Variants in GOLGA6L9 observed in about 807,000 individuals in gnomAD.
GOLGA6L9 encodes the protein golgin A6 family like 9, also known as golgin subfamily A member 6-like protein 9.
GOLGA6L9 carries 19 observed loss-of-function variants against 51.3 expected under a neutral mutation model. That is an observed-to-expected ratio of 0.37 (90% CI 0.26 to 0.54). The LOEUF is 0.54. Among genes scored for constraint, GOLGA6L9 ranks in the 20% least tolerant of loss-of-function variants. The probability of loss-of-function intolerance (pLI) is 0.83; values close to 1 mark genes in which losing one functional copy is unlikely to be tolerated. For synonymous variants in GOLGA6L9, 97 were observed against 184.2 expected (o/e 0.53, Z 3.83); for missense variants, 247 against 464.1 (o/e 0.53, Z 4.30).
the GOLGA6L9 span, among the ~76,000 whole-genome samples, chr15:82,417,908 A>C: frequency 2.6e-5 from 4 of 152,392 alleles, 1 homozygote; most frequent in South Asian, 8.3e-4. Flanking sequence ...GGAGTGAGAG[A>C]GAGATTTCAA....
rs894943223 is a variant in GOLGA6L9, at chr15:82,438,548, T to C, written c.*2137T>C. The stretch of plus-strand genomic sequence containing the variant: ...TCATTCAGTATAAGGCAGCCTTTAA[T>C]TTGCTTAGAAGGCAACATTAGAAGG... On this transcript the variant is annotated 3_prime_UTR_variant, in exon 9 of 9. Coordinates refer to ENST00000618348, the MANE Select transcript of GOLGA6L9 (RefSeq NM_198181.4). The C allele has an allele frequency of 4.0e-5, 6 of 148,378 alleles. No individual in the cohort carries two copies. Among genetic ancestry groups the C allele is most frequent in the Admixed American group, 3.4e-4 (5 of 14,790 alleles). The allele number at this position is 148,378 out of a possible 1,614,324, so 9.2% of individuals were successfully genotyped here. A position where few individuals can be genotyped will look rare whatever the true frequency, so the allele number is the denominator to read the frequency against.
At chr15:82,420,287 G>C in the GOLGA6L9 span, among the ~76,000 whole-genome samples, 4 of 151,886 alleles carry the variant, frequency 2.6e-5, no homozygotes, top group Non-Finnish European at 5.9e-5. Flanking sequence ...GTATCTGATT[G>C]TTTAGTCTTT....
upstream of GOLGA6L9, among the ~76,000 whole-genome samples, chr15:82,427,059 G>GT (rs1335044059): frequency 2.3e-4 from 34 of 146,298 alleles, no homozygotes; most frequent in Middle Eastern, 3.5e-3. Context: ...AAAATCATTT[G>GT]TTTTTTTTTC....
chr15:82,417,269 G>A, the GOLGA6L9 span, among the ~76,000 whole-genome samples: 6 of 152,056 alleles, frequency 3.9e-5, no homozygotes, highest in East Asian at 5.8e-4. Context: ...TTAGATGACC[G>A]TTACTTCAAT....
At chr15:82,433,416 G>C (rs1393719373) in intron 4 of GOLGA6L9, 146 bp from the exon 5 acceptor site, 16 of 629,432 alleles carry the variant, frequency 2.5e-5, no homozygotes, top group Non-Finnish European at 4.5e-5. Context: ...TACCTGGCCT[G>C]TACATGCTCA....
chr15:82,433,846 G>A (rs2031526225), intron 5 of GOLGA6L9, among the ~76,000 whole-genome samples, 188 bp from the exon 6 acceptor site: 1 of 98,384 alleles, frequency 1.0e-5, no homozygotes, highest in African/African-American at 4.8e-5. Flanking sequence ...AGTGCCCATT[G>A]TCAGCCACCC....
chr15:82,427,530 G>A (rs1257966224), upstream of GOLGA6L9, among the ~76,000 whole-genome samples: 52 of 149,368 alleles, frequency 3.5e-4, no homozygotes, highest in African/African-American at 1.3e-3. Context: ...GTAAACAGGA[G>A]CAGGAGAAAA....
chr15:82,419,453 C>G, the GOLGA6L9 span: 1 of 152,654 alleles, frequency 6.6e-6, no homozygotes, highest in African/African-American at 2.4e-5. Flanking sequence ...TCGAGACCAT[C>G]CTGGCTAACA....
At position 82,434,336 on chromosome 15, in the gene GOLGA6L9, G is replaced by C. The variant is rs1409261769; in HGVS notation, c.736G>C (p.Glu246Gln). The change falls in exon 6 of 9, where the codon GAG becomes CAG. Residue 246 changes from glutamate (E) to glutamine (Q), a missense_variant. This residue lies in a region of GOLGA6L9 where 66 missense variants were observed against 66.2 expected (regional missense o/e 1.00). Transcript: ENST00000618348. The stretch of plus-strand genomic sequence containing the variant: ...TGAACAGGAGAAGCTGCCAGGGCAG[G>C]AGAGGCTGCTGGAAGAGGTGGAGAA... ...LCEQEKLPGQ[E>Q]RLLEEVEKLL... The C allele has an allele frequency of 1.3e-6, 2 of 1,534,996 alleles. No individual in the cohort carries two copies. The highest frequency in any genetic ancestry group is 2.7e-5 in the African/African-American group (2 of 73,070).
At chr15:82,418,704 A>G in the GOLGA6L9 span, 2 of 152,268 alleles carry the variant, frequency 1.3e-5, no homozygotes, top group Admixed American at 6.5e-5. Context: ...GAGAGGAGCC[A>G]CATGGTGTGA....
At chr15:82,416,226 T>C in the GOLGA6L9 span, among the ~76,000 whole-genome samples, 2 of 152,122 alleles carry the variant, frequency 1.3e-5, no homozygotes, top group Non-Finnish European at 2.9e-5. Flanking sequence ...CAATTTGAGC[T>C]ATAACACAAG....
At chr15:82,430,191 A>G (rs2150825875) in intron 1 of GOLGA6L9, 28 bp downstream of exon 1, 1 of 574,812 alleles carries the variant, frequency 1.7e-6, no homozygotes, top group South Asian at 1.9e-5. Flanking sequence ...ATGGCCCCCA[A>G]CCCAGCCACA....
chr15:82,417,407 A>G, the GOLGA6L9 span, among the ~76,000 whole-genome samples: 4 of 152,228 alleles, frequency 2.6e-5, no homozygotes, highest in Admixed American at 2.6e-4. Context: ...ACAGTAGTAG[A>G]GTCGACCACT....
the GOLGA6L9 span, chr15:82,418,681 T>C: frequency 2.0e-5 from 3 of 152,352 alleles, no homozygotes; most frequent in Admixed American, 2.0e-4. Context: ...TAGAAAGGAC[T>C]TGAGGAGTCC....
At chr15:82,427,917 CGAGGTCT>C (rs1212163955), upstream of GOLGA6L9, among the ~76,000 whole-genome samples, 1 of 100,384 alleles carries the variant, frequency 1.0e-5, no homozygotes, top group Non-Finnish European at 2.0e-5. Context: ...ACTCACCATT[CGAGGTCT>C]ACAGGACTTT....
In GOLGA6L9 at chr15:82,438,607, G is replaced by A. The variant is rs1373106410; in HGVS notation, c.*2196G>A. 1 of 139,362 alleles carries A rather than the reference G, an allele frequency of 7.2e-6. No individual in the cohort carries two copies. Among genetic ancestry groups the A allele is most frequent in the Non-Finnish European group, 1.5e-5 (1 of 64,688 alleles). 8.6% of individuals were successfully genotyped at this position (139,362 alleles called of 1,614,324 possible). On this transcript the variant is annotated 3_prime_UTR_variant, in exon 9 of 9. Coordinates refer to ENST00000618348, the MANE Select transcript of GOLGA6L9 (RefSeq NM_198181.4). ...CAGCAGGAACATAGAATTTTAAAAT[G>A]TGACTTCAACTGAATAAATTTGAAT...
At chr15:82,427,029 C>G (rs2031218383), upstream of GOLGA6L9, among the ~76,000 whole-genome samples, 1 of 145,622 alleles carries the variant, frequency 6.9e-6, no homozygotes, top group Non-Finnish European at 1.5e-5. Context: ...GCCAGTTTCT[C>G]CATTGCCCAT....
At chr15:82,419,858 C>A in the GOLGA6L9 span, 1 of 174,204 alleles carries the variant, frequency 5.7e-6, no homozygotes, top group East Asian at 1.3e-4. Flanking sequence ...ACCTTTTCCC[C>A]TTGACTCCAG....
At chr15:82,418,411 C>T in the GOLGA6L9 span, among the ~76,000 whole-genome samples, 19 of 152,160 alleles carry the variant, frequency 1.2e-4, no homozygotes, top group African/African-American at 4.6e-4. Flanking sequence ...TTGGTGTCCA[C>T]ATAGATCTAA....
Sources: gnomAD v4.1 joint callset for allele counts (sites outside exome capture counted in the v4.1 genomes callset) on GRCh38, gnomAD v4.1.1 for gene constraint, gnomAD v4.1.1 regional missense constraint, MANE v1.5 for transcripts, NCBI Gene and HGNC (gene_info 2026-07-23, HGNC 2026-07-21) for gene names.